RBFOX1: variants seen among roughly 807,000 people sequenced by gnomAD.
The protein encoded by RBFOX1 is RNA binding fox-1 homolog 1.
A neutral mutation model predicts 57.7 loss-of-function variants in RBFOX1; 8 were observed. The observed-to-expected ratio is 0.14, with a 90% CI of 0.08 to 0.25. The LOEUF (loss-of-function observed/expected upper bound fraction) is 0.25. RBFOX1 is among the 10% of genes least tolerant of loss of function. RBFOX1 has a pLI of 1.00. For missense variants in RBFOX1, 611 were observed against 548.5 expected (o/e 1.11, Z -1.14); for synonymous variants, 326 against 222.4 (o/e 1.47, Z -4.15).
intron 3 of RBFOX1, among the ~76,000 whole-genome samples, chr16:5,721,590 C>T (rs2051937380): frequency 6.6e-6 from 1 of 152,150 alleles, no homozygotes. Context: ...CGTATGATGC[C>T]ACCTGGGAGT....
At chr16:5,661,807 A>G (rs2049661154) in intron 3 of RBFOX1, among the ~76,000 whole-genome samples, 1 of 151,978 alleles carries the variant, frequency 6.6e-6, no homozygotes, top group South Asian at 2.1e-4. Flanking sequence ...TTTTTTTGAG[A>G]TGGAGTCTCA....
chr16:7,295,648 A>G (rs1408939804), intron 4 of RBFOX1, among the ~76,000 whole-genome samples: 2 of 152,020 alleles, frequency 1.3e-5, no homozygotes, highest in Admixed American at 1.3e-4. Flanking sequence ...AGACTCCAAA[A>G]GGTGTACTGC....
In RBFOX1 at chr16:7,116,534, C is replaced by T. The variant is rs1442358083; in HGVS notation, c.27+64436C>T. On this transcript the variant is annotated intron_variant, in intron 4 of 15. Coordinates refer to ENST00000550418, the MANE Select transcript of RBFOX1 (RefSeq NM_018723.4). Reference sequence around the variant, plus strand: ...TCAAGCTCTGGATTTGTCTCTGCTCCAGCTTACTGTATATTTCCACTAAAT... The same window carrying T: ...TCAAGCTCTGGATTTGTCTCTGCTCTAGCTTACTGTATATTTCCACTAAAT... 5.3e-5 allele frequency among the ~76,000 whole-genome samples: 8 copies of T among 152,164 alleles called. 1 individual carries two copies. Among genetic ancestry groups the T allele is most frequent in the Admixed American group, 5.2e-4 (8 of 15,278 alleles).
At chr16:6,211,304 C>A (rs1346205194) in intron 1 of RBFOX1, among the ~76,000 whole-genome samples, 1 of 149,536 alleles carries the variant, frequency 6.7e-6, no homozygotes, top group Non-Finnish European at 1.5e-5. Flanking sequence ...TCTCCGCTCA[C>A]TGCAAGCTCC....
At chr16:7,506,354 G>C (rs1184127602) in intron 4 of RBFOX1, among the ~76,000 whole-genome samples, 3 of 152,084 alleles carry the variant, frequency 2.0e-5, no homozygotes. Flanking sequence ...GCACTAACAA[G>C]TTGTGTGAGC....
chr16:7,122,216 C>T (rs80185553), intron 4 of RBFOX1, among the ~76,000 whole-genome samples: 2 of 151,978 alleles, frequency 1.3e-5, no homozygotes, highest in Non-Finnish European at 2.9e-5. Context: ...AAAGAAAATA[C>T]AAGAATCTGT....
At chr16:5,762,536 C>T (rs538091064) in intron 3 of RBFOX1, among the ~76,000 whole-genome samples, 1 of 152,170 alleles carries the variant, frequency 6.6e-6, no homozygotes, top group East Asian at 1.9e-4. Flanking sequence ...GTGCTTTGAC[C>T]CGGCAATTCC....
chr16:7,390,989 T>C (rs1413622522), intron 4 of RBFOX1, among the ~76,000 whole-genome samples: 2 of 152,074 alleles, frequency 1.3e-5, no homozygotes, highest in Admixed American at 6.6e-5. Flanking sequence ...TCCTGGAGGG[T>C]GTGGGGTCTT....
chr16:7,691,659 G>C (rs542556853), intron 14 of RBFOX1, among the ~76,000 whole-genome samples: 1 of 152,068 alleles, frequency 6.6e-6, no homozygotes, highest in Non-Finnish European at 1.5e-5. Context: ...TTACCTATTC[G>C]TTCAGTCACA....
rs754342591 is a variant in RBFOX1, at chr16:6,806,836, A to ATATATATATATT, written c.-16+152187_-16+152188insATATATATATTT. Among the ~76,000 whole-genome samples, 72 of 91,872 alleles carry ATATATATATATT rather than the reference A, an allele frequency of 7.8e-4. 1 individual carries two copies. The highest frequency in any genetic ancestry group is 2.2e-3 in the African/African-American group (55 of 24,616). 60.3% of individuals were successfully genotyped at this position (91,872 alleles called of 152,430 possible). A position where few individuals can be genotyped will look rare whatever the true frequency, so the allele number is the denominator to read the frequency against. ...TATATAAATATATATATATATATAT[A>ATATATATATATT]TTTTTTTTTTTTTTTGAGAGAAAGT... On this transcript the variant is annotated intron_variant, in intron 3 of 15. Transcript: ENST00000550418.
chr16:5,477,112 C>T (rs569349141), intron 2 of RBFOX1, among the ~76,000 whole-genome samples: 49 of 152,310 alleles, frequency 3.2e-4, no homozygotes, highest in African/African-American at 7.9e-4. Context: ...CTCCTGGGCT[C>T]AGGCGATACC....
chr16:7,229,779 GA>G (rs2093380000), intron 4 of RBFOX1, among the ~76,000 whole-genome samples: 1 of 92,046 alleles, frequency 1.1e-5, no homozygotes, highest in South Asian at 6.1e-4. Context: ...GGAGAGAGAG[GA>G]AGGAAGGGAG....
intron 2 of RBFOX1, among the ~76,000 whole-genome samples, chr16:5,492,964 C>G (rs1239769063): frequency 6.6e-6 from 1 of 152,232 alleles, no homozygotes; most frequent in Non-Finnish European, 1.5e-5. Context: ...CAAGATTTGG[C>G]AAACTATGGC....
At chr16:6,374,360 C>T (rs914539338) in intron 2 of RBFOX1, among the ~76,000 whole-genome samples, 1 of 152,216 alleles carries the variant, frequency 6.6e-6, no homozygotes, top group Admixed American at 6.5e-5. Flanking sequence ...AATTCCTTTA[C>T]TGATGGATAG....
At chr16:7,027,521 AG>A (rs2041326365) in intron 3 of RBFOX1, among the ~76,000 whole-genome samples, 1 of 62,358 alleles carries the variant, frequency 1.6e-5, no homozygotes, top group Admixed American at 1.5e-4. Context: ...GTCTGGCTTC[AG>A]GGCTTTTTTT....
chr16:7,559,538 T>A (rs7499705), intron 5 of RBFOX1, among the ~76,000 whole-genome samples: 1 of 152,092 alleles, frequency 6.6e-6, no homozygotes, highest in Admixed American at 6.5e-5. Context: ...ACACAGGCCT[T>A]GCAAATTAAG....
At chr16:7,323,849 T>A (rs556463313) in intron 4 of RBFOX1, among the ~76,000 whole-genome samples, 1 of 152,190 alleles carries the variant, frequency 6.6e-6, no homozygotes, top group Admixed American at 6.5e-5. Flanking sequence ...AGCACAGGTC[T>A]GATACATAAT....
At chr16:7,625,122 T>G (rs2059890986) in intron 10 of RBFOX1, among the ~76,000 whole-genome samples, 1 of 152,028 alleles carries the variant, frequency 6.6e-6, no homozygotes, top group South Asian at 2.1e-4. Context: ...TTATGCAGCC[T>G]GCAAAAAACC....
At chr16:6,788,714 A>T (rs2082393290) in intron 3 of RBFOX1, among the ~76,000 whole-genome samples, 7 of 150,980 alleles carry the variant, frequency 4.6e-5, no homozygotes, top group Admixed American at 4.6e-4. Context: ...TGATCTCGTG[A>T]TCCGCCCGCC....
Sources: gnomAD v4.1 joint callset for allele counts (sites outside exome capture counted in the v4.1 genomes callset) on GRCh38, gnomAD v4.1.1 for gene constraint, MANE v1.5 for transcripts, NCBI Gene and HGNC (gene_info 2026-07-23, HGNC 2026-07-21) for gene names.